KLF17: variants seen among roughly 807,000 people sequenced by gnomAD.
KLF17 encodes Krueppel-like factor 17.
KLF17 carries 31 observed loss-of-function variants against 34.2 expected under a neutral mutation model. The ratio of observed to expected loss-of-function variants is 0.91; its 90% confidence interval spans 0.68 to 1.22. The LOEUF is 1.22. Ranked by LOEUF, KLF17 falls within the 50% of genes most tolerant of loss-of-function variation. KLF17 has a pLI of 0.00. For missense variants in KLF17, 478 were observed against 505.2 expected, an observed-to-expected ratio of 0.95 and a Z score of 0.52; for synonymous variants, 179 against 186.7, an observed-to-expected ratio of 0.96 and a Z score of 0.34.
At chr1:44,062,348 T>C in the KLF17 span, among the ~76,000 whole-genome samples, 2 of 152,280 alleles carry the variant, frequency 1.3e-5, no homozygotes, top group Admixed American at 6.5e-5. Flanking sequence ...TCTGTATCTA[T>C]ATCTATATCT....
chr1:44,110,630 G>C, the KLF17 span: 5 of 152,102 alleles, frequency 3.3e-5, no homozygotes, highest in East Asian at 9.6e-4. Flanking sequence ...GGAGGTGGAG[G>C]TTGCGATGAG....
the KLF17 span, among the ~76,000 whole-genome samples, chr1:44,095,747 GT>G: frequency 6.6e-6 from 1 of 150,714 alleles, no homozygotes; most frequent in Non-Finnish European, 1.5e-5. Flanking sequence ...CTTTGGTTAA[GT>G]TCATTCCTAT....
the KLF17 span, among the ~76,000 whole-genome samples, chr1:44,067,898 C>T: frequency 3.9e-5 from 6 of 152,128 alleles, no homozygotes; most frequent in Admixed American, 2.6e-4. Context: ...GGAGCAGAAC[C>T]GAGAGGGTCT....
At chr1:44,112,515 C>T in the KLF17 span, among the ~76,000 whole-genome samples, 1 of 152,314 alleles carries the variant, frequency 6.6e-6, no homozygotes, top group Non-Finnish European at 1.5e-5. Flanking sequence ...AAGCAATCCT[C>T]CCACCTTAGC....
the KLF17 span, among the ~76,000 whole-genome samples, chr1:44,068,173 T>A: frequency 6.6e-6 from 1 of 152,066 alleles, no homozygotes; most frequent in Non-Finnish European, 1.5e-5. Context: ...TACAGGTGCA[T>A]GTCACCATGC....
chr1:44,087,759 TATATATATATACACAC>T, the KLF17 span, among the ~76,000 whole-genome samples: 489 of 55,246 alleles, frequency 8.9e-3, no homozygotes, highest in Non-Finnish European at 0.015. Context: ...TATATATATA[TATATATATATACACAC>T]ACACACACAC....
At chr1:44,103,939 T>C in the KLF17 span, 16 of 856,204 alleles carry the variant, frequency 1.9e-5, no homozygotes, top group Non-Finnish European at 8.1e-6. Flanking sequence ...TGGTACATGC[T>C]CTCAGCCTCA....
chr1:44,130,503 C>A lies in KLF17; in HGVS notation c.926-9C>A. The A allele has an allele frequency of 6.2e-7, 1 of 1,614,004 alleles. No individual in the cohort carries two copies. Among genetic ancestry groups the A allele is most frequent in the South Asian group, 1.1e-5 (1 of 91,046 alleles). On this transcript the variant is annotated splice_polypyrimidine_tract_variant and intron_variant, in intron 2 of 3. Coordinates refer to ENST00000372299, the MANE Select transcript of KLF17 (RefSeq NM_173484.4). ...ATTCTAAATTCCATCTCTCCCTTGT[C>A]ATTCCCAGGTGAGAGGCCATATTCT...
the KLF17 span, among the ~76,000 whole-genome samples, chr1:44,074,195 T>C: frequency 1.4e-4 from 21 of 152,240 alleles, no homozygotes; most frequent in East Asian, 4.1e-3. Flanking sequence ...ATCCTCATCA[T>C]GCCCCTACCA....
chr1:44,065,370 A>C, the KLF17 span, among the ~76,000 whole-genome samples: 2 of 151,456 alleles, frequency 1.3e-5, no homozygotes, highest in Non-Finnish European at 1.5e-5. Context: ...TTGTCGGCAT[A>C]ATAGTATTCA....
At chr1:44,095,811 G>GTTT in the KLF17 span, among the ~76,000 whole-genome samples, 66 of 149,238 alleles carry the variant, frequency 4.4e-4, no homozygotes, top group Non-Finnish European at 6.4e-4. Flanking sequence ...CTTTCTTGGG[G>GTTT]TTTTTTTTTC....
chr1:44,066,173 A>T, the KLF17 span, among the ~76,000 whole-genome samples: 1 of 152,054 alleles, frequency 6.6e-6, no homozygotes, highest in Non-Finnish European at 1.5e-5. Context: ...TTTTAAAAAT[A>T]GCTAGGCATA....
chr1:44,121,840 C>T (rs6690437), intron 1 of KLF17, among the ~76,000 whole-genome samples: 59,681 of 151,888 alleles, frequency 0.39, 11,881 homozygotes, highest in East Asian at 0.62. Context: ...ATTAAGGTAG[C>T]GAAAAGCCTC....
the KLF17 span, among the ~76,000 whole-genome samples, chr1:44,069,717 C>T: frequency 1.3e-5 from 2 of 152,148 alleles, no homozygotes; most frequent in African/African-American, 4.8e-5. This position sits in a 1 kb window ranked among gnomAD's most constrained non-coding sequence, Gnocchi z 4.7. Context: ...ACCATATCAC[C>T]CTAGTCCTAA....
chr1:44,095,315 A>C, the KLF17 span, among the ~76,000 whole-genome samples: 1 of 150,828 alleles, frequency 6.6e-6, no homozygotes, highest in East Asian at 1.9e-4. Context: ...TCCTGGGTTC[A>C]AGTGATTCTC....
the KLF17 span, among the ~76,000 whole-genome samples, chr1:44,088,838 G>A: frequency 6.6e-6 from 1 of 152,106 alleles, no homozygotes; most frequent in African/African-American, 2.4e-5. Context: ...GAAAATAGGA[G>A]GAGCTGATTG....
chr1:44,057,369 C>T, the KLF17 span, among the ~76,000 whole-genome samples: 2 of 152,196 alleles, frequency 1.3e-5, no homozygotes, highest in Non-Finnish European at 2.9e-5. Flanking sequence ...CCCCATACAA[C>T]ATCACTCAGA....
the KLF17 span, among the ~76,000 whole-genome samples, chr1:44,108,055 G>C: frequency 3.3e-5 from 5 of 152,166 alleles, no homozygotes; most frequent in South Asian, 2.1e-4. Context: ...CTGAGTTGAA[G>C]GCAGTGACTG....
chr1:44,103,522 TG>T, the KLF17 span: 1 of 1,207,230 alleles, frequency 8.3e-7, no homozygotes, highest in Non-Finnish European at 1.2e-6. Flanking sequence ...GCATAGCTGC[TG>T]GTGGTCTTCG....
Sources: allele counts gnomAD v4.1 joint callset (sites outside exome capture counted in the v4.1 genomes callset), GRCh38; gene constraint gnomAD v4.1.1; non-coding constraint Gnocchi (gnomAD v3.1); transcripts MANE v1.5; gene names NCBI Gene and HGNC (gene_info 2026-07-23, HGNC 2026-07-21).